Variants in TXK observed in about 807,000 individuals in gnomAD.
TXK encodes the protein TXK tyrosine kinase.
TXK carries 60 observed loss-of-function variants against 81.0 expected under a neutral mutation model. The ratio of observed to expected loss-of-function variants is 0.74; its 90% CI spans 0.60 to 0.92. TXK has a LOEUF of 0.92. Among genes scored for constraint, TXK ranks in the 40% least tolerant of loss-of-function variants. The probability of loss-of-function intolerance (pLI) is 0.00; values close to 1 mark genes in which losing one functional copy is unlikely to be tolerated. For synonymous variants in TXK, 203 were observed against 210.7 expected (o/e 0.96, Z 0.32); for missense variants, 581 against 638.3 (o/e 0.91, Z 0.97).
At chr4:48,074,173 G>A (rs570744929) in intron 12 of TXK, 120 bp from the exon 13 acceptor site, 4 of 715,094 alleles carry the variant, frequency 5.6e-6, no homozygotes, top group African/African-American at 5.3e-5. Context: ...GAAAGGTTGT[G>A]GATGCCTTCT....
intron 14 of TXK, among the ~76,000 whole-genome samples, chr4:48,068,612 C>G (rs1235417546): frequency 6.6e-6 from 1 of 152,188 alleles, no homozygotes; most frequent in Non-Finnish European, 1.5e-5. Context: ...CCATAAGTGA[C>G]CCCATATCCC....
intron 1 of TXK, among the ~76,000 whole-genome samples, chr4:48,130,865 A>G (rs1385677248): frequency 1.3e-5 from 2 of 152,194 alleles, no homozygotes; most frequent in African/African-American, 2.4e-5. Context: ...CCTCAGATCC[A>G]GTTATGGAGA....
chr4:48,111,376 G>A (rs1382757846), intron 4 of TXK, among the ~76,000 whole-genome samples: 1 of 152,198 alleles, frequency 6.6e-6, no homozygotes, highest in East Asian at 1.9e-4. Context: ...ATGGATAATA[G>A]TATTTACTTT....
intron 10 of TXK, among the ~76,000 whole-genome samples, chr4:48,081,637 G>C (rs1003367835): frequency 1.3e-5 from 2 of 151,884 alleles, no homozygotes; most frequent in African/African-American, 4.8e-5. Context: ...CTAAGTAATC[G>C]CATTAAGTTT....
In TXK at chr4:48,110,532, A is replaced by G. The variant is rs1241809293; in HGVS notation, c.446+6T>C. 1 of 1,595,916 alleles carries G rather than the reference A, an allele frequency of 6.3e-7. No individual in the cohort carries two copies. Reference sequence around the variant, plus strand: ...TTTCATAGGTTATATTTTGGAGAAGACTTACTCATATATTTCTAAATTAGT... The same window carrying G: ...TTTCATAGGTTATATTTTGGAGAAGGCTTACTCATATATTTCTAAATTAGT... On this transcript the variant is annotated splice_donor_region_variant and intron_variant, in intron 5 of 14. Coordinates refer to ENST00000264316, the MANE Select transcript of TXK (RefSeq NM_003328.3).
chr4:48,074,033 T>C lies in TXK; in HGVS notation c.1259A>G (p.Tyr420Cys). 1.2e-6 allele frequency: 2 copies of C among 1,613,782 alleles called. No individual in the cohort carries two copies. The highest frequency in any genetic ancestry group is 8.5e-7 in the Non-Finnish European group (1 of 1,179,744). Residue 420 changes from tyrosine (Y) to cysteine (C), a missense_variant, in exon 13 of 15, where the codon TAT becomes TGT. By Grantham distance (194) the Tyr-to-Cys change is radical. Transcript: ENST00000264316. ...GMTRYVLDDE[Y>C]VSSFGAKFPI... ...GAACTTGGCTCCAAAAGAACTGACA[T>C]ACTCATCATCCAAAACGTACCTAAG...
At chr4:48,076,703 AC>A (rs1194209590) in intron 11 of TXK, among the ~76,000 whole-genome samples, 1 of 152,054 alleles carries the variant, frequency 6.6e-6, no homozygotes, top group East Asian at 1.9e-4. Flanking sequence ...ATGTTGGCTC[AC>A]TGCAACCTTC....
At chr4:48,119,626 G>A (rs1718895991) in intron 1 of TXK, among the ~76,000 whole-genome samples, 1 of 151,958 alleles carries the variant, frequency 6.6e-6, no homozygotes, top group Admixed American at 6.6e-5. Flanking sequence ...CTTACTTCTG[G>A]AGACAAAAAT....
chr4:48,085,809 C>T (rs545243917), intron 10 of TXK, among the ~76,000 whole-genome samples: 1 of 152,266 alleles, frequency 6.6e-6, no homozygotes, highest in Admixed American at 6.5e-5. Flanking sequence ...CTTCCCACTC[C>T]ATCCCATTTC....
Position 48,113,326 on chromosome 4 carries a change from A to G in TXK, c.72-17T>C. On this transcript the variant is annotated splice_polypyrimidine_tract_variant and intron_variant, in intron 2 of 14. Coordinates refer to ENST00000264316, the MANE Select transcript of TXK (RefSeq NM_003328.3). ...CTCATTTGTCTGACATTGAAAAGCAATCATGTTACAAATAATTATTTGTAC... is the reference window on the plus strand; with the variant it reads ...CTCATTTGTCTGACATTGAAAAGCAGTCATGTTACAAATAATTATTTGTAC... 6.4e-7 allele frequency: 1 copy of G among 1,571,296 alleles called. No individual in the cohort carries two copies. Among genetic ancestry groups the G allele is most frequent in the Non-Finnish European group, 8.7e-7 (1 of 1,146,438 alleles).
Position 48,112,069 on chromosome 4 carries a change from G to C in TXK, c.380+238C>G, listed in dbSNP as rs533861013. On this transcript the variant is annotated intron_variant, in intron 4 of 14. Coordinates refer to ENST00000264316, the MANE Select transcript of TXK (RefSeq NM_003328.3). ...AATAAAGAAACAAAAACTCAGAGACGGTAAGTGACTTGCCCGGGGACACAC... is the reference window on the plus strand; with the variant it reads ...AATAAAGAAACAAAAACTCAGAGACCGTAAGTGACTTGCCCGGGGACACAC... Among the ~76,000 whole-genome samples the C allele has an allele frequency of 2.0e-5, 3 of 152,288 alleles. No homozygotes were observed. In the South Asian group the frequency reaches 6.2e-4, roughly 32 times the overall value.
At chr4:48,100,066 G>C (rs577632282) in intron 6 of TXK, among the ~76,000 whole-genome samples, 1 of 150,878 alleles carries the variant, frequency 6.6e-6, no homozygotes, top group Non-Finnish European at 1.5e-5. Flanking sequence ...CAGCTACTCG[G>C]GAGGCTGAGG....
At chr4:48,103,835 T>C (rs960631056) in intron 6 of TXK, among the ~76,000 whole-genome samples, 3 of 152,104 alleles carry the variant, frequency 2.0e-5, no homozygotes, top group Non-Finnish European at 4.4e-5. Flanking sequence ...TTTTAATGAG[T>C]CTAACCTAAG....
intron 5 of TXK, among the ~76,000 whole-genome samples, chr4:48,109,941 T>C (rs1367330195): frequency 6.6e-6 from 1 of 152,166 alleles, no homozygotes; most frequent in African/African-American, 2.4e-5. Context: ...AAAATCTAAA[T>C]TTATAAAAAA....
Position 48,127,746 on chromosome 4 carries a change from C to T in TXK, c.16+6409G>A, listed in dbSNP as rs186222842. On this transcript the variant is annotated intron_variant, in intron 1 of 14. Transcript: ENST00000264316. ...CCAGCAAATCAGAAAAAGGGCATCGCATCAGATGTAATCTCTGTGACCTTT... is the reference window on the plus strand; with the variant it reads ...CCAGCAAATCAGAAAAAGGGCATCGTATCAGATGTAATCTCTGTGACCTTT... Among the ~76,000 whole-genome samples the T allele has an allele frequency of 2.3e-3, 350 of 152,244 alleles. 4 individuals carry two copies. Among genetic ancestry groups the T allele is most frequent in the Admixed American group, 0.021 (319 of 15,298 alleles).
intron 4 of TXK, 94 bp from the exon 5 acceptor site, chr4:48,110,697 G>A: frequency 1.1e-5 from 10 of 885,950 alleles, no homozygotes; most frequent in Middle Eastern, 2.2e-4. Context: ...GATGTAGGGG[G>A]GAAATCAAAT....
rs1717078644 is a variant in TXK, at chr4:48,076,591, T to G, written c.1174-125A>C. ...TCTGTGTGTACCGCCAAGTCATTTT[T>G]ATGGTGATATCCATCAATGGTATAG... On this transcript the variant is annotated intron_variant, in intron 11 of 14. Coordinates refer to ENST00000264316, the MANE Select transcript of TXK (RefSeq NM_003328.3). 4 of 705,336 alleles carry G rather than the reference T, an allele frequency of 5.7e-6. No homozygotes were observed. The East Asian group carries it at 1.1e-4, about 19-fold the overall frequency. The allele number at this position is 705,336 out of a possible 1,614,324, so 43.7% of individuals were successfully genotyped here.
At chr4:48,080,440 C>G (rs1230341594) in intron 10 of TXK, among the ~76,000 whole-genome samples, 1 of 152,076 alleles carries the variant, frequency 6.6e-6, no homozygotes, top group Non-Finnish European at 1.5e-5. Flanking sequence ...TTTATCCTTG[C>G]TAGGTCAAGC....
chr4:48,074,148 A>T, intron 12 of TXK, 95 bp from the exon 13 acceptor site: 1 of 936,554 alleles, frequency 1.1e-6, no homozygotes, highest in Non-Finnish European at 1.7e-6. Flanking sequence ...CTAAAAGACA[A>T]AGTATTTTAC....
Sources: gnomAD v4.1 joint callset for allele counts (sites outside exome capture counted in the v4.1 genomes callset) on GRCh38, gnomAD v4.1.1 for gene constraint, MANE v1.5 for transcripts, NCBI Gene and HGNC (gene_info 2026-07-23, HGNC 2026-07-21) for gene names.